NTM: variants seen among roughly 807,000 people sequenced by gnomAD.
NTM encodes IgLON family member 2.
A neutral mutation model predicts 42.1 loss-of-function variants in NTM; 13 were observed. The observed-to-expected ratio is 0.31, with a 90% CI of 0.20 to 0.49. The LOEUF (loss-of-function observed/expected upper bound fraction) is 0.49. Among genes scored for constraint, NTM ranks in the 20% least tolerant of loss-of-function variants. The pLI is 0.99. For missense variants in NTM, 373 were observed against 452.8 expected (o/e 0.82, Z 1.60); for synonymous variants, 187 against 179.2 (o/e 1.04, Z -0.35).
Position 131,427,663 on chromosome 11 carries a change from A to T in NTM, c.82+56775A>T, listed in dbSNP as rs527243249. The stretch of plus-strand genomic sequence containing the variant: ...CTAAACTTCTTGAAAGTGGGTCTCT[A>T]AGTTTTCAGTTATCGTGTATTACAC... On this transcript the variant is annotated intron_variant, in intron 1 of 8. Transcript: ENST00000683400. 1.2e-4 allele frequency among the ~76,000 whole-genome samples: 18 copies of T among 152,270 alleles called. No homozygotes were observed. The South Asian group carries it at 1.9e-3, about 16-fold the overall frequency.
At chr11:131,469,491 A>T (rs1952218321) in intron 1 of NTM, among the ~76,000 whole-genome samples, 2 of 152,216 alleles carry the variant, frequency 1.3e-5, no homozygotes, top group Non-Finnish European at 2.9e-5. Context: ...CCACTACATT[A>T]TACTGCCATC....
At position 132,122,101 on chromosome 11, in the gene NTM, G is replaced by T. The variant is rs564693381; in HGVS notation, c.168-24181G>T. Among the ~76,000 whole-genome samples the T allele has an allele frequency of 9.2e-5, 14 of 152,322 alleles. No individual in the cohort carries two copies. The South Asian group carries it at 2.7e-3, about 29-fold the overall frequency. On this transcript the variant is annotated intron_variant, in intron 2 of 8. Transcript: ENST00000683400. ...AAGTGCTATAGGCGCTGAATTGCGTGTTTAGGAAAGCTGTAGCAAGCCATT... is the reference window on the plus strand; with the variant it reads ...AAGTGCTATAGGCGCTGAATTGCGTTTTTAGGAAAGCTGTAGCAAGCCATT...
intron 1 of NTM, among the ~76,000 whole-genome samples, chr11:131,908,556 C>T (rs970041988): frequency 6.6e-6 from 1 of 152,180 alleles, no homozygotes; most frequent in Non-Finnish European, 1.5e-5. Context: ...CCATGACTAG[C>T]ATTTGTTTCC....
chr11:131,977,734 A>G (rs1021040232), intron 2 of NTM, among the ~76,000 whole-genome samples: 12 of 152,192 alleles, frequency 7.9e-5, no homozygotes, highest in African/African-American at 2.4e-4. Flanking sequence ...CTGATGTCCA[A>G]TTAAGATCTG....
intron 3 of NTM, among the ~76,000 whole-genome samples, chr11:132,154,175 T>C (rs1047381586): frequency 1.3e-5 from 2 of 152,198 alleles, no homozygotes; most frequent in Admixed American, 6.5e-5. Context: ...TGGAACCAGA[T>C]AGGCTTCCAA....
chr11:131,884,689 A>G (rs535304226), intron 1 of NTM, among the ~76,000 whole-genome samples: 5 of 152,096 alleles, frequency 3.3e-5, no homozygotes, highest in Admixed American at 6.5e-5. Context: ...CAGTGATCGG[A>G]AATCATGGAA....
At chr11:131,518,862 A>G (rs2049227511) in intron 1 of NTM, among the ~76,000 whole-genome samples, 1 of 152,226 alleles carries the variant, frequency 6.6e-6, no homozygotes, top group Admixed American at 6.5e-5. Flanking sequence ...GTTTCCATAG[A>G]TACCCGACCT....
intron 1 of NTM, among the ~76,000 whole-genome samples, chr11:131,389,854 C>A (rs1410821596): frequency 2.6e-5 from 4 of 152,220 alleles, no homozygotes; most frequent in Non-Finnish European, 4.4e-5. Flanking sequence ...AGGAGATTTG[C>A]AGTTAATCCA....
At chr11:131,911,234 G>A in intron 1 of NTM, 2 of 1,403,234 alleles carry the variant, frequency 1.4e-6, no homozygotes, top group East Asian at 2.6e-5. Flanking sequence ...GCAGCGAGGA[G>A]GGAGCCCCCT....
intron 1 of NTM, among the ~76,000 whole-genome samples, chr11:131,515,698 TAC>T (rs1300967307): frequency 4.6e-5 from 7 of 152,320 alleles, no homozygotes; most frequent in African/African-American, 1.7e-4. Context: ...GTAATAAACT[TAC>T]AGAGTTATGA....
At chr11:131,510,528 C>G (rs533079250) in intron 1 of NTM, among the ~76,000 whole-genome samples, 4 of 152,218 alleles carry the variant, frequency 2.6e-5, no homozygotes, top group African/African-American at 9.6e-5. Context: ...TGTTACAAGA[C>G]TGTGGTCAAA....
chr11:132,253,254 G>A (rs1359059091), intron 4 of NTM, among the ~76,000 whole-genome samples: 1 of 152,114 alleles, frequency 6.6e-6, no homozygotes, highest in African/African-American at 2.4e-5. Flanking sequence ...CTTTTTCTAT[G>A]CATGACTTCT....
intron 2 of NTM, among the ~76,000 whole-genome samples, chr11:132,039,193 C>T (rs1566003062): frequency 3.3e-5 from 5 of 152,110 alleles, no homozygotes; most frequent in South Asian, 2.1e-4. Flanking sequence ...CCAATTGGAC[C>T]GCAGTTGGCC....
chr11:132,023,699 T>TTTG (rs974792793), intron 2 of NTM, among the ~76,000 whole-genome samples: 1 of 151,764 alleles, frequency 6.6e-6, no homozygotes, highest in Non-Finnish European at 1.5e-5. Flanking sequence ...GAAGATATGC[T>TTTG]TTGTTGTTGT....
intron 3 of NTM, among the ~76,000 whole-genome samples, chr11:132,209,274 TG>T (rs1374295593): frequency 6.6e-6 from 1 of 152,256 alleles, no homozygotes; most frequent in Non-Finnish European, 1.5e-5. Context: ...TAACCATAAA[TG>T]GCATTGTTAC....
intron 2 of NTM, among the ~76,000 whole-genome samples, chr11:131,930,587 T>C (rs1257517240): frequency 2.6e-5 from 4 of 152,214 alleles, no homozygotes; most frequent in Non-Finnish European, 4.4e-5. Flanking sequence ...CTTGGCACAA[T>C]CTAAGAAATA....
At chr11:132,303,990 A>G (rs2094973707) in intron 4 of NTM, among the ~76,000 whole-genome samples, 2 of 152,174 alleles carry the variant, frequency 1.3e-5, no homozygotes, top group African/African-American at 2.4e-5. Flanking sequence ...GACCTACCCC[A>G]TCATGAAACT....
chr11:132,245,169 T>C (rs1445252625), intron 4 of NTM, among the ~76,000 whole-genome samples: 10 of 152,196 alleles, frequency 6.6e-5, no homozygotes, highest in Non-Finnish European at 1.3e-4. Context: ...TGCCGGGGCA[T>C]GGGTGGAACT....
chr11:131,827,499 G>T (rs1006165345), intron 1 of NTM, among the ~76,000 whole-genome samples: 1 of 152,140 alleles, frequency 6.6e-6, no homozygotes, highest in Non-Finnish European at 1.5e-5. Context: ...GAATCCATGT[G>T]TTTCAGTTCC....
Sources: allele counts gnomAD v4.1 joint callset (sites outside exome capture counted in the v4.1 genomes callset), GRCh38; gene constraint gnomAD v4.1.1; transcripts MANE v1.5; gene names NCBI Gene and HGNC (gene_info 2026-07-23, HGNC 2026-07-21).